Variants in DYM observed in about 807,000 individuals in gnomAD.
The protein encoded by DYM is dymeclin, also known as dyggve-Melchior-Clausen syndrome protein.
DYM carries 78 observed loss-of-function variants against 93.1 expected under a neutral mutation model. That is an observed-to-expected ratio of 0.84 (90% CI 0.70 to 1.01). DYM has a LOEUF of 1.01. Among genes scored for constraint, DYM ranks in the 50% least tolerant of loss-of-function variants. DYM has a pLI of 0.00. For missense variants in DYM, 789 were observed against 845.0 expected (o/e 0.93, Z 0.82); for synonymous variants, 321 against 319.7 (o/e 1.00, Z -0.04).
At chr18:49,408,999 T>C (rs1189200888) in intron 2 of DYM, among the ~76,000 whole-genome samples, 1 of 152,058 alleles carries the variant, frequency 6.6e-6, no homozygotes, top group Non-Finnish European at 1.5e-5. Flanking sequence ...ACTCAGTAAA[T>C]GTGGGCTGGG....
chr18:49,363,868 A>G (rs572073378), intron 5 of DYM, among the ~76,000 whole-genome samples: 13 of 152,300 alleles, frequency 8.5e-5, no homozygotes, highest in Admixed American at 3.9e-4. Flanking sequence ...CCTATCCCAA[A>G]CTACTACAGG....
chr18:49,049,978 C>A (rs1184740429), intron 17 of DYM, among the ~76,000 whole-genome samples: 2 of 151,938 alleles, frequency 1.3e-5, no homozygotes, highest in Non-Finnish European at 2.9e-5. Context: ...TGCTGAAGAA[C>A]TGCCTTCTTT....
intron 8 of DYM, among the ~76,000 whole-genome samples, chr18:49,302,058 C>G (rs879634477): frequency 6.6e-6 from 1 of 152,132 alleles, no homozygotes; most frequent in Non-Finnish European, 1.5e-5. Flanking sequence ...TTAAAACTTG[C>G]GTGCAAAGAA....
chr18:49,120,128 C>A (rs2848877), intron 15 of DYM, among the ~76,000 whole-genome samples: 7 of 149,526 alleles, frequency 4.7e-5, no homozygotes, highest in South Asian at 4.2e-4. Context: ...AAAAAAGAAC[C>A]AGAGATATAT....
rs1376215707 is a variant in DYM, at chr18:49,104,011, C to G, written c.1912-6496G>C. 2.0e-5 allele frequency among the ~76,000 whole-genome samples: 3 copies of G among 152,190 alleles called. No individual in the cohort carries two copies. The East Asian group carries it at 5.8e-4, about 29-fold the overall frequency. On this transcript the variant is annotated intron_variant, in intron 16 of 17. Transcript: ENST00000675505. ...TCTAAATTACCTTGGGCAGTATGGC[C>G]ATTATCACGATATTGATTCTTCCTA...
intron 1 of DYM, among the ~76,000 whole-genome samples, chr18:49,444,371 C>T (rs2081925764): frequency 6.6e-6 from 1 of 152,108 alleles, no homozygotes; most frequent in African/African-American, 2.4e-5. Flanking sequence ...AAAAGAATGA[C>T]CCTCAACTAC....
At chr18:49,446,872 A>G (rs995746834) in intron 1 of DYM, among the ~76,000 whole-genome samples, 1 of 152,092 alleles carries the variant, frequency 6.6e-6, no homozygotes, top group African/African-American at 2.4e-5. Flanking sequence ...CAACCTGGCC[A>G]ACACGGTGAA....
chr18:49,334,713 T>C (rs1406474037), intron 6 of DYM, among the ~76,000 whole-genome samples: 1 of 152,228 alleles, frequency 6.6e-6, no homozygotes, highest in African/African-American at 2.4e-5. Flanking sequence ...TAACACCTAC[T>C]TAAATGAAAG....
At chr18:49,072,036 C>T (rs1361096522) in intron 17 of DYM, among the ~76,000 whole-genome samples, 1 of 152,192 alleles carries the variant, frequency 6.6e-6, no homozygotes, top group Non-Finnish European at 1.5e-5. Context: ...CAACAGAATG[C>T]CCTGCTAGTC....
At chr18:49,250,459 C>A (rs2094260902) in intron 13 of DYM, among the ~76,000 whole-genome samples, 1 of 152,212 alleles carries the variant, frequency 6.6e-6, no homozygotes, top group African/African-American at 2.4e-5. Context: ...GTCTTTCCTT[C>A]CTGTTCTAGC....
intron 14 of DYM, chr18:49,206,011 G>GTTTTTCTT (rs1555800157): frequency 7.4e-6 from 1 of 135,040 alleles, no homozygotes; most frequent in South Asian, 2.5e-4. Flanking sequence ...TTGTTTTTTT[G>GTTTTTCTT]TTTTTTGCGG....
chr18:49,402,610 T>C (rs777376129), intron 2 of DYM, among the ~76,000 whole-genome samples: 2 of 152,206 alleles, frequency 1.3e-5, no homozygotes, highest in Non-Finnish European at 2.9e-5. Flanking sequence ...TCTTTAAAAA[T>C]TCTTGTTTAA....
At chr18:49,292,318 AGG>A (rs2060169086) in intron 8 of DYM, among the ~76,000 whole-genome samples, 2 of 81,292 alleles carry the variant, frequency 2.5e-5, no homozygotes, top group Non-Finnish European at 5.6e-5. Context: ...ACAGACAGGC[AGG>A]CAGGCAGGCA....
At chr18:49,095,114 T>C (rs1238077539) in intron 17 of DYM, among the ~76,000 whole-genome samples, 2 of 152,218 alleles carry the variant, frequency 1.3e-5, no homozygotes, top group African/African-American at 4.8e-5. Context: ...CAGTATATAT[T>C]AGTAAACTAC....
rs1253212922 is a variant in DYM, at chr18:49,121,539, T to A, written c.1729-2613A>T. Among the ~76,000 whole-genome samples, 17 of 151,956 alleles carry A rather than the reference T, an allele frequency of 1.1e-4. 1 individual carries two copies. Among genetic ancestry groups the A allele is most frequent in the Admixed American group, 9.8e-4 (15 of 15,254 alleles). On this transcript the variant is annotated intron_variant, in intron 15 of 17. Transcript: ENST00000675505. ...AATAATGAAAAAAAATCAAACAGAT[T>A]CAAGCACGTCAGAAAATACCCATGG...
chr18:49,041,037 G>A lies in DYM; in HGVS notation c.*3018C>T, dbSNP rs1007152837. Among the ~76,000 whole-genome samples the A allele has an allele frequency of 6.6e-6, 1 of 152,138 alleles. No homozygotes were observed. The highest frequency in any genetic ancestry group is 2.4e-5 in the African/African-American group (1 of 41,416). On this transcript the variant is annotated 3_prime_UTR_variant, in exon 18 of 18. Transcript: ENST00000675505. Reference sequence around the variant, plus strand: ...TTTCCTTCCAGAGAGAACTGTGTGTGCAGTGTACTTTCTATGCTTCACCTT... The same window carrying A: ...TTTCCTTCCAGAGAGAACTGTGTGTACAGTGTACTTTCTATGCTTCACCTT...
At chr18:49,137,773 A>G (rs548412910) in intron 15 of DYM, among the ~76,000 whole-genome samples, 12 of 152,340 alleles carry the variant, frequency 7.9e-5, no homozygotes, top group African/African-American at 2.9e-4. Context: ...AGTGGGACAG[A>G]CTGTACACAC....
At chr18:49,289,514 C>A (rs1411774681) in intron 8 of DYM, among the ~76,000 whole-genome samples, 2 of 146,776 alleles carry the variant, frequency 1.4e-5, no homozygotes, top group Admixed American at 6.8e-5. Flanking sequence ...CCAGCCTGGG[C>A]AACACAGTGA....
intron 6 of DYM, among the ~76,000 whole-genome samples, chr18:49,354,835 A>G (rs1394729271): frequency 6.6e-6 from 1 of 152,172 alleles, no homozygotes; most frequent in Admixed American, 6.5e-5. Context: ...TGGGAATGGC[A>G]AAACTGGTAC....
Sources: gnomAD v4.1 joint callset for allele counts (sites outside exome capture counted in the v4.1 genomes callset) on GRCh38, gnomAD v4.1.1 for gene constraint, MANE v1.5 for transcripts, NCBI Gene and HGNC (gene_info 2026-07-23, HGNC 2026-07-21) for gene names.